PTPRM: variants seen among roughly 807,000 people sequenced by gnomAD.
PTPRM encodes receptor-type tyrosine-protein phosphatase mu.
A neutral mutation model predicts 186.7 loss-of-function variants in PTPRM; 47 were observed. The observed-to-expected ratio is 0.25, with a 90% confidence interval of 0.20 to 0.32. PTPRM has a LOEUF of 0.32. Ranked by LOEUF, PTPRM falls within the 10% of genes least tolerant of loss-of-function variation. The pLI is 1.00. For missense variants in PTPRM, 1,494 were observed against 1,865.0 expected (o/e 0.80, Z 3.66); for synonymous variants, 668 against 674.9 (o/e 0.99, Z 0.16).
chr18:8,031,462 A>G (rs538857852), intron 7 of PTPRM, among the ~76,000 whole-genome samples: 1 of 152,348 alleles, frequency 6.6e-6, no homozygotes, highest in Admixed American at 6.5e-5. Context: ...CAGATGCAGT[A>G]TGTGTGGAAT....
At chr18:7,782,456 T>C (rs1336847389) in intron 2 of PTPRM, among the ~76,000 whole-genome samples, 1 of 152,256 alleles carries the variant, frequency 6.6e-6, no homozygotes, top group East Asian at 1.9e-4. Context: ...TCAAATTTAC[T>C]ATGTGAACCA....
chr18:8,352,653 G>GTTTTTTTTTTTTTTTTTTTTTTTTTTTTT (rs1355276752), intron 23 of PTPRM, among the ~76,000 whole-genome samples: 1 of 121,342 alleles, frequency 8.2e-6, no homozygotes, highest in African/African-American at 2.9e-5. Context: ...TTTTGGTTTG[G>GTTTTTTTTTTTTTTTTTTTTTTTTTTTTT]TTTTTTTTGT....
In PTPRM at chr18:8,322,436, G is replaced by C. The variant is rs140749127; in HGVS notation, c.2956+3222G>C. On this transcript the variant is annotated intron_variant, in intron 22 of 32. Transcript: ENST00000580170. Reference sequence around the variant, plus strand: ...TCTCCCCTTGGTTTAATTGTCTTCTGTCTGGCCACTAATATATGATGACCC... The same window carrying C: ...TCTCCCCTTGGTTTAATTGTCTTCTCTCTGGCCACTAATATATGATGACCC... Among the ~76,000 whole-genome samples, 279 of 152,172 alleles carry C rather than the reference G, an allele frequency of 1.8e-3. 1 individual carries two copies. Among genetic ancestry groups the C allele is most frequent in the African/African-American group, 6.0e-3 (249 of 41,508 alleles).
chr18:7,994,735 A>G (rs970733054), intron 7 of PTPRM, among the ~76,000 whole-genome samples: 1 of 152,172 alleles, frequency 6.6e-6, no homozygotes, highest in Admixed American at 6.6e-5. Flanking sequence ...TAATTGAGTT[A>G]ATGAAGAAGT....
At chr18:7,596,143 C>T (rs1463442265) in intron 1 of PTPRM, among the ~76,000 whole-genome samples, 1 of 152,068 alleles carries the variant, frequency 6.6e-6, no homozygotes, top group Non-Finnish European at 1.5e-5. Context: ...GCTTTGGGGC[C>T]CTTATGAAGT....
intron 1 of PTPRM, among the ~76,000 whole-genome samples, chr18:7,606,502 C>T (rs1057167339): frequency 1.3e-5 from 2 of 152,010 alleles, no homozygotes; most frequent in African/African-American, 4.8e-5. Flanking sequence ...AGGTAGAAAT[C>T]ATTTTTGATT....
intron 1 of PTPRM, among the ~76,000 whole-genome samples, chr18:7,730,933 G>C (rs1369559560): frequency 6.6e-6 from 1 of 152,162 alleles, no homozygotes; most frequent in African/African-American, 2.4e-5. Context: ...ATTTAGAACA[G>C]TTGTTGATTG....
intron 2 of PTPRM, among the ~76,000 whole-genome samples, chr18:7,802,703 T>C (rs1163880575): frequency 6.6e-6 from 1 of 152,218 alleles, no homozygotes; most frequent in African/African-American, 2.4e-5. Flanking sequence ...TAAATTGATT[T>C]TTTTCCTGCA....
intron 1 of PTPRM, among the ~76,000 whole-genome samples, chr18:7,666,807 C>G (rs775221207): frequency 6.6e-6 from 1 of 152,138 alleles, no homozygotes; most frequent in Non-Finnish European, 1.5e-5. Context: ...CCTTATTTTA[C>G]TTGGAGGTTC....
At chr18:8,057,428 T>C (rs1206945535) in intron 7 of PTPRM, among the ~76,000 whole-genome samples, 1 of 54,814 alleles carries the variant, frequency 1.8e-5, no homozygotes, top group Non-Finnish European at 4.8e-5. Flanking sequence ...GATACTTCTT[T>C]TTTTTTTTTT....
intron 19 of PTPRM, among the ~76,000 whole-genome samples, chr18:8,280,455 T>A (rs1433381615): frequency 6.6e-6 from 1 of 151,802 alleles, no homozygotes; most frequent in African/African-American, 2.4e-5. Flanking sequence ...GAAATCATAT[T>A]CTTTGTTCAG....
intron 3 of PTPRM, among the ~76,000 whole-genome samples, chr18:7,898,133 A>G (rs1189327454): frequency 1.3e-5 from 2 of 152,240 alleles, no homozygotes; most frequent in Non-Finnish European, 2.9e-5. Flanking sequence ...CTTTAATATT[A>G]AAGAAACTTT....
intron 2 of PTPRM, among the ~76,000 whole-genome samples, chr18:7,877,834 A>C (rs1278559883): frequency 6.6e-6 from 1 of 152,184 alleles, no homozygotes; most frequent in African/African-American, 2.4e-5. Context: ...TTTATGGACG[A>C]ACTGACTCAG....
intron 14 of PTPRM, among the ~76,000 whole-genome samples, chr18:8,155,855 A>C (rs1473401297): frequency 6.6e-6 from 1 of 152,242 alleles, no homozygotes; most frequent in Non-Finnish European, 1.5e-5. Context: ...GTCTGGATGC[A>C]TTATTCAAAG....
Position 7,643,760 on chromosome 18 carries a change from C to T in PTPRM, c.73+75869C>T, listed in dbSNP as rs181323993. On this transcript the variant is annotated intron_variant, in intron 1 of 32. Transcript: ENST00000580170. ...AAGCAAATACACAATTTAAAATAATCTGAGCTTTTTTCTTAGCAGCCCGAA... is the reference window on the plus strand; with the variant it reads ...AAGCAAATACACAATTTAAAATAATTTGAGCTTTTTTCTTAGCAGCCCGAA... 7.2e-4 allele frequency among the ~76,000 whole-genome samples: 109 copies of T among 152,226 alleles called. 1 individual carries two copies. The highest frequency in any genetic ancestry group is 3.4e-3 in the Middle Eastern group (1 of 294).
At chr18:8,017,021 A>T (rs944535749) in intron 7 of PTPRM, among the ~76,000 whole-genome samples, 1 of 152,230 alleles carries the variant, frequency 6.6e-6, no homozygotes, top group South Asian at 2.1e-4. Flanking sequence ...ATATAAACCC[A>T]TACCGATTTT....
intron 19 of PTPRM, among the ~76,000 whole-genome samples, chr18:8,266,363 C>CA (rs10678321): frequency 0.78 from 101,920 of 130,820 alleles, 39,802 homozygotes; most frequent in East Asian, 0.85. Flanking sequence ...TGCTACCACT[C>CA]AAAAAAAAAA....
chr18:7,849,020 G>A (rs964483890), intron 2 of PTPRM, among the ~76,000 whole-genome samples: 3 of 151,846 alleles, frequency 2.0e-5, no homozygotes, highest in Non-Finnish European at 4.4e-5. Context: ...AAAGTTCTTG[G>A]TTCTTTTCCT....
At chr18:8,103,294 T>C (rs2091374474) in intron 11 of PTPRM, among the ~76,000 whole-genome samples, 1 of 152,256 alleles carries the variant, frequency 6.6e-6, no homozygotes, top group Non-Finnish European at 1.5e-5. Flanking sequence ...ATGAAAGTCC[T>C]AGATGGCATC....
Sources: allele counts gnomAD v4.1 joint callset (sites outside exome capture counted in the v4.1 genomes callset), GRCh38; gene constraint gnomAD v4.1.1; transcripts MANE v1.5; gene names NCBI Gene and HGNC (gene_info 2026-07-23, HGNC 2026-07-21).